Variants in LANCL2 observed in about 807,000 individuals in gnomAD.
LANCL2 encodes LanC like glutathione S-transferase 2.
A neutral mutation model predicts 56.9 loss-of-function variants in LANCL2; 33 were observed. The observed-to-expected ratio is 0.58, with a 90% CI of 0.44 to 0.78. LANCL2 has a LOEUF of 0.78. Among genes scored for constraint, LANCL2 ranks in the 30% least tolerant of loss-of-function variants. LANCL2 has a pLI of 0.00. For synonymous variants in LANCL2, 233 were observed against 228.2 expected (o/e 1.02, Z -0.19); for missense variants, 562 against 580.2 (o/e 0.97, Z 0.32).
At chr7:55,371,252 T>G (rs928593282) in intron 1 of LANCL2, among the ~76,000 whole-genome samples, 6 of 152,236 alleles carry the variant, frequency 3.9e-5, no homozygotes, top group Non-Finnish European at 5.9e-5. Context: ...GTTTTGTTTT[T>G]TTTCGAGACA....
Position 55,390,750 on chromosome 7 carries a change from C to T in LANCL2, c.205-1043C>T, listed in dbSNP as rs1790178231. 2.0e-5 allele frequency among the ~76,000 whole-genome samples: 3 copies of T among 151,076 alleles called. No individual in the cohort carries two copies. In the East Asian group the frequency reaches 5.9e-4, roughly 30 times the overall value. The stretch of plus-strand genomic sequence containing the variant: ...GAACTGAGATCACACCACAGCACTC[C>T]AGCCTGAGCGACAGAGCAAAACTGT... On this transcript the variant is annotated intron_variant, in intron 1 of 8. Coordinates refer to ENST00000254770, the MANE Select transcript of LANCL2 (RefSeq NM_018697.4).
chr7:55,385,484 C>T (rs1056584871), intron 1 of LANCL2, among the ~76,000 whole-genome samples: 17 of 152,154 alleles, frequency 1.1e-4, no homozygotes, highest in Admixed American at 9.8e-4. Flanking sequence ...TAAAGCTGGG[C>T]GTCCGGGGGA....
At chr7:55,428,124 C>T (rs774537077) in intron 7 of LANCL2, 14 of 554,034 alleles carry the variant, frequency 2.5e-5, no homozygotes, top group South Asian at 1.4e-4. Flanking sequence ...GTCGTTGAGC[C>T]GTTCGGTTTT....
chr7:55,415,643 G>T (rs1308991536), intron 6 of LANCL2, among the ~76,000 whole-genome samples: 1 of 24,536 alleles, frequency 4.1e-5, no homozygotes, highest in Admixed American at 5.9e-4. Flanking sequence ...ACACAGTGTC[G>T]CTCTGTCTCC....
rs987173213 is a variant in LANCL2 at position 55,428,467 on chromosome 7, T to C, written c.1258+20T>C. On this transcript the variant is annotated intron_variant, in intron 8 of 8. Coordinates refer to ENST00000254770, the MANE Select transcript of LANCL2 (RefSeq NM_018697.4). Reference sequence around the variant, plus strand: ...TTGAAGGTAAGAGTGAGAAAAATGCTATAGATTAAATGTTTGGGTGAAATT... The same window carrying C: ...TTGAAGGTAAGAGTGAGAAAAATGCCATAGATTAAATGTTTGGGTGAAATT... The C allele has an allele frequency of 6.2e-7, 1 of 1,606,690 alleles. No individual in the cohort carries two copies. The highest frequency in any genetic ancestry group is 8.5e-7 in the Non-Finnish European group (1 of 1,173,356).
intron 8 of LANCL2, 34 bp downstream of exon 8, chr7:55,428,481 T>A (rs1474690477): frequency 6.4e-7 from 1 of 1,569,618 alleles, no homozygotes; most frequent in Non-Finnish European, 8.8e-7. Context: ...GATTAAATGT[T>A]TGGGTGAAAT....
At chr7:55,414,307 T>G (rs1353463802) in intron 6 of LANCL2, among the ~76,000 whole-genome samples, 2 of 151,124 alleles carry the variant, frequency 1.3e-5, no homozygotes, top group African/African-American at 4.9e-5. Flanking sequence ...ACTAGGGAAG[T>G]ACAGCTCTAC....
At chr7:55,397,986 A>G (rs1052085285) in intron 2 of LANCL2, among the ~76,000 whole-genome samples, 21 of 152,370 alleles carry the variant, frequency 1.4e-4, no homozygotes, top group Non-Finnish European at 2.2e-4. Context: ...AAGGGAGTAT[A>G]AAGTTCAGAA....
intron 5 of LANCL2, among the ~76,000 whole-genome samples, chr7:55,402,698 G>T (rs1207194324): frequency 1.6e-5 from 2 of 124,690 alleles, no homozygotes; most frequent in East Asian, 4.4e-4. Flanking sequence ...CGGGCGGGGG[G>T]CTGACCCCCA....
chr7:55,426,428 C>A (rs576263213), intron 7 of LANCL2, among the ~76,000 whole-genome samples: 8 of 152,222 alleles, frequency 5.3e-5, no homozygotes, highest in Non-Finnish European at 1.2e-4. Flanking sequence ...AAAGTGTGTA[C>A]AGTGACCCTT....
intron 6 of LANCL2, among the ~76,000 whole-genome samples, chr7:55,421,523 A>G (rs908230693): frequency 6.6e-6 from 1 of 151,834 alleles, no homozygotes; most frequent in Non-Finnish European, 1.5e-5. Flanking sequence ...TTGTATTTTT[A>G]GTAGAGACAG....
At chr7:55,371,277 T>C (rs1789941062) in intron 1 of LANCL2, among the ~76,000 whole-genome samples, 1 of 152,166 alleles carries the variant, frequency 6.6e-6, no homozygotes, top group African/African-American at 2.4e-5. Context: ...CTCACTCTGT[T>C]GTAGGCTGGA....
intron 2 of LANCL2, among the ~76,000 whole-genome samples, chr7:55,394,341 G>A (rs76254331): frequency 0.051 from 7,725 of 152,274 alleles, 664 homozygotes; most frequent in African/African-American, 0.17. Context: ...GGAGATGGAG[G>A]TGGGAGGATG....
Position 55,386,203 on chromosome 7 carries a change from T to G in LANCL2, c.205-5590T>G, listed in dbSNP as rs554913392. On this transcript the variant is annotated intron_variant, in intron 1 of 8. Transcript: ENST00000254770. ...TATACATCCTTCTCGGCTGACAGGA[T>G]TAAGAGATTAAAGCAAAGACAGGCA... Among the ~76,000 whole-genome samples the G allele has an allele frequency of 3.9e-5, 6 of 152,202 alleles. No homozygotes were observed. The South Asian group carries it at 1.2e-3, about 32-fold the overall frequency.
chr7:55,429,960 G>T (rs549857330), intron 8 of LANCL2, among the ~76,000 whole-genome samples: 2 of 152,252 alleles, frequency 1.3e-5, no homozygotes, highest in Non-Finnish European at 2.9e-5. Context: ...CAAACTGGCC[G>T]GCTGGAGGAG....
chr7:55,417,702 A>T (rs1443879723), intron 6 of LANCL2, among the ~76,000 whole-genome samples: 1 of 151,682 alleles, frequency 6.6e-6, no homozygotes, highest in Non-Finnish European at 1.5e-5. Context: ...TTTTTTTTTG[A>T]GATGGAGTCT....
chr7:55,402,936 A>G (rs1321819038), intron 5 of LANCL2, among the ~76,000 whole-genome samples: 57 of 147,164 alleles, frequency 3.9e-4, no homozygotes, highest in African/African-American at 1.4e-3. Context: ...CTGGGCAGAG[A>G]TGCTCCTCAC....
intron 1 of LANCL2, among the ~76,000 whole-genome samples, chr7:55,370,706 GGGGTTTTCTA>G (rs1031164041): frequency 3.3e-5 from 5 of 152,246 alleles, no homozygotes; most frequent in African/African-American, 9.6e-5. Flanking sequence ...AGATTAAGTG[GGGGTTTTCTA>G]GGCTCAGTTA....
chr7:55,409,461 G>A (rs1235504913), intron 5 of LANCL2, among the ~76,000 whole-genome samples: 1 of 152,180 alleles, frequency 6.6e-6, no homozygotes, highest in Admixed American at 6.5e-5. Context: ...TAAATGTGGA[G>A]TAGAGCAAAG....
Sources: allele counts gnomAD v4.1 joint callset (sites outside exome capture counted in the v4.1 genomes callset), GRCh38; gene constraint gnomAD v4.1.1; transcripts MANE v1.5; gene names NCBI Gene and HGNC (gene_info 2026-07-23, HGNC 2026-07-21).